Variants in RBFOX1 observed in about 807,000 individuals in gnomAD.
The protein encoded by RBFOX1 is RNA binding fox-1 homolog 1.
In RBFOX1, 8 loss-of-function variants were observed where a neutral mutation model predicts 57.7. The ratio of observed to expected loss-of-function variants is 0.14; its 90% CI spans 0.08 to 0.25. RBFOX1 has a LOEUF of 0.25. Among genes scored for constraint, RBFOX1 ranks in the 10% least tolerant of loss-of-function variants. The probability of loss-of-function intolerance (pLI) is 1.00; values close to 1 mark genes in which losing one functional copy is unlikely to be tolerated. For missense variants in RBFOX1, 611 were observed against 548.5 expected (o/e 1.11, Z -1.14); for synonymous variants, 326 against 222.4 (o/e 1.47, Z -4.15).
At chr16:5,538,385 A>T (rs1185135891) in intron 2 of RBFOX1, among the ~76,000 whole-genome samples, 2 of 151,882 alleles carry the variant, frequency 1.3e-5, no homozygotes, top group East Asian at 3.9e-4. Context: ...TGGCATTGCC[A>T]TGGGACTATG....
chr16:5,949,858 G>A (rs2059485122), intron 4 of RBFOX1, among the ~76,000 whole-genome samples: 1 of 152,122 alleles, frequency 6.6e-6, no homozygotes, highest in Non-Finnish European at 1.5e-5. Context: ...AGCCCTGCAG[G>A]GGATTCTGAG....
At chr16:6,918,026 C>T (rs1326885956) in intron 3 of RBFOX1, among the ~76,000 whole-genome samples, 1 of 152,138 alleles carries the variant, frequency 6.6e-6, no homozygotes, top group African/African-American at 2.4e-5. Flanking sequence ...TTAGCTCACG[C>T]CTGTAATCCC....
intron 1 of RBFOX1, among the ~76,000 whole-genome samples, chr16:5,297,360 C>A (rs2063694841): frequency 6.6e-6 from 1 of 152,114 alleles, no homozygotes; most frequent in Non-Finnish European, 1.5e-5. Context: ...ATTTACATTC[C>A]CAAGACAGTA....
At chr16:6,508,525 A>G (rs927695658) in intron 2 of RBFOX1, among the ~76,000 whole-genome samples, 5 of 152,276 alleles carry the variant, frequency 3.3e-5, no homozygotes, top group African/African-American at 1.2e-4. Flanking sequence ...AAGGTGTCCT[A>G]CTGTGCTTAG....
At chr16:5,853,628 G>T (rs2056951668) in intron 3 of RBFOX1, among the ~76,000 whole-genome samples, 1 of 152,214 alleles carries the variant, frequency 6.6e-6, no homozygotes, top group Non-Finnish European at 1.5e-5. Flanking sequence ...TGAGCCCTCA[G>T]AAAAGACAGC....
At chr16:7,529,863 G>C (rs1432382975) in intron 5 of RBFOX1, among the ~76,000 whole-genome samples, 2 of 152,016 alleles carry the variant, frequency 1.3e-5, no homozygotes, top group Non-Finnish European at 2.9e-5. Flanking sequence ...ACAAAAATTA[G>C]CCAGGCATGG....
chr16:7,506,907 C>G (rs368411650), intron 4 of RBFOX1, among the ~76,000 whole-genome samples: 1 of 152,258 alleles, frequency 6.6e-6, no homozygotes, highest in East Asian at 1.9e-4. Flanking sequence ...CTTCACTGGA[C>G]TGGAAGGAGG....
At chr16:6,543,640 T>G (rs983156291) in intron 2 of RBFOX1, among the ~76,000 whole-genome samples, 2 of 152,136 alleles carry the variant, frequency 1.3e-5, no homozygotes, top group Admixed American at 1.3e-4. Context: ...TCTGGAAGAT[T>G]TTTGCCTGGT....
intron 1 of RBFOX1, among the ~76,000 whole-genome samples, chr16:6,063,390 T>G (rs1285976962): frequency 6.6e-6 from 1 of 151,904 alleles, no homozygotes; most frequent in Non-Finnish European, 1.5e-5. Context: ...GTGTGGAGCA[T>G]ATCAGGAAGA....
At chr16:5,558,330 C>A (rs1033720058) in intron 2 of RBFOX1, among the ~76,000 whole-genome samples, 1 of 152,150 alleles carries the variant, frequency 6.6e-6, no homozygotes, top group Non-Finnish European at 1.5e-5. Context: ...AGACACCCAA[C>A]CCTAGATGCA....
intron 3 of RBFOX1, among the ~76,000 whole-genome samples, chr16:6,787,478 C>T (rs1348922514): frequency 6.6e-6 from 1 of 152,102 alleles, no homozygotes; most frequent in Admixed American, 6.6e-5. Flanking sequence ...ATTGGAGTCT[C>T]CCTGTGGTTA....
intron 3 of RBFOX1, among the ~76,000 whole-genome samples, chr16:6,688,569 A>G (rs979915029): frequency 1.3e-5 from 2 of 152,190 alleles, no homozygotes; most frequent in African/African-American, 4.8e-5. Context: ...TAGGAGTCAA[A>G]CTGAAGACTA....
chr16:7,569,168 T>C (rs1186644911), intron 5 of RBFOX1, among the ~76,000 whole-genome samples: 1 of 152,194 alleles, frequency 6.6e-6, no homozygotes, highest in Admixed American at 6.5e-5. Flanking sequence ...TGCTTTCTGA[T>C]GAGCGTGCAA....
intron 1 of RBFOX1, among the ~76,000 whole-genome samples, chr16:6,022,901 C>T (rs1430835750): frequency 6.6e-6 from 1 of 152,110 alleles, no homozygotes; most frequent in Non-Finnish European, 1.5e-5. Context: ...GAAAAGATTT[C>T]TAAGTATATC....
chr16:6,034,333 A>C (rs1337392574), intron 1 of RBFOX1, among the ~76,000 whole-genome samples: 5 of 136,088 alleles, frequency 3.7e-5, no homozygotes, highest in African/African-American at 1.1e-4. Flanking sequence ...CTGTTGCGCA[A>C]AAAAAAAAAA....
At chr16:6,778,864 G>GT (rs147698093) in intron 3 of RBFOX1, among the ~76,000 whole-genome samples, 20,504 of 148,440 alleles carry the variant, frequency 0.14, 1,642 homozygotes, top group Admixed American at 0.24. Context: ...ACACACTCTA[G>GT]TTTTTTTTTT....
chr16:7,700,187 T>G (rs1020756802), intron 14 of RBFOX1, among the ~76,000 whole-genome samples: 1 of 152,094 alleles, frequency 6.6e-6, no homozygotes, highest in Non-Finnish European at 1.5e-5. Flanking sequence ...CCCCTGGGGC[T>G]TTACCGGGAA....
At chr16:6,632,917 T>G (rs1361741510) in intron 2 of RBFOX1, among the ~76,000 whole-genome samples, 1 of 152,214 alleles carries the variant, frequency 6.6e-6, no homozygotes, top group African/African-American at 2.4e-5. Context: ...TGGGAAATTG[T>G]AAGCCTTCGA....
intron 3 of RBFOX1, chr16:7,003,946 C>G (rs1180843139): frequency 1.5e-5 from 2 of 137,348 alleles, no homozygotes; most frequent in Non-Finnish European, 3.1e-5. Context: ...TATCTGCTTT[C>G]TTTTAAAAAA....
Sources: allele counts gnomAD v4.1 joint callset (sites outside exome capture counted in the v4.1 genomes callset), GRCh38; gene constraint gnomAD v4.1.1; transcripts MANE v1.5; gene names NCBI Gene and HGNC (gene_info 2026-07-23, HGNC 2026-07-21).